Variants in MTUS2 observed in about 807,000 individuals in gnomAD.
MTUS2 encodes microtubule-associated tumor suppressor candidate 2.
A neutral mutation model predicts 114.1 loss-of-function variants in MTUS2; 40 were observed. The observed-to-expected ratio is 0.35, with a 90% CI of 0.27 to 0.46. The LOEUF (loss-of-function observed/expected upper bound fraction) is 0.46, where lower values mean the gene tolerates loss of function less well. MTUS2 is among the 20% of genes least tolerant of loss of function. The pLI, the probability that MTUS2 is intolerant of heterozygous loss-of-function variation, is 1.00. For missense variants in MTUS2, 1,679 were observed against 1,705.4 expected, an observed-to-expected ratio of 0.98 and a Z score of 0.27; for synonymous variants, 688 against 672.0, an observed-to-expected ratio of 1.02 and a Z score of -0.37.
At chr13:29,255,534 C>A (rs1897260825) in intron 5 of MTUS2, among the ~76,000 whole-genome samples, 1 of 152,274 alleles carries the variant, frequency 6.6e-6, no homozygotes, top group African/African-American at 2.4e-5. Flanking sequence ...CTAAGTAACA[C>A]TGTAAGAAAC....
chr13:29,016,227 A>G (rs1886061460), intron 2 of MTUS2, among the ~76,000 whole-genome samples: 1 of 152,186 alleles, frequency 6.6e-6, no homozygotes, highest in African/African-American at 2.4e-5. Flanking sequence ...ATAATTGGCA[A>G]TGTAAGTAGT....
At chr13:29,112,567 C>A (rs928334117) in intron 5 of MTUS2, among the ~76,000 whole-genome samples, 1 of 152,026 alleles carries the variant, frequency 6.6e-6, no homozygotes, top group African/African-American at 2.4e-5. Flanking sequence ...GGGAAAGAAC[C>A]GTAGCAGGAG....
chr13:29,291,529 G>C (rs1898713809), intron 6 of MTUS2, among the ~76,000 whole-genome samples: 1 of 152,178 alleles, frequency 6.6e-6, no homozygotes, highest in Non-Finnish European at 1.5e-5. Context: ...CTCAGCTGTG[G>C]CTCCCTGGGA....
chr13:29,268,079 T>G (rs968591008), intron 5 of MTUS2, among the ~76,000 whole-genome samples: 2 of 152,102 alleles, frequency 1.3e-5, no homozygotes, highest in Non-Finnish European at 2.9e-5. Context: ...ACACGTGTCA[T>G]GGTGGTTTGC....
intron 2 of MTUS2, among the ~76,000 whole-genome samples, chr13:28,938,885 C>T (rs1413054967): frequency 4.6e-5 from 7 of 152,040 alleles, no homozygotes; most frequent in Admixed American, 6.6e-5. Context: ...AAGTGAACAT[C>T]GTTTAATACT....
intron 2 of MTUS2, among the ~76,000 whole-genome samples, chr13:29,022,852 T>C (rs140357575): frequency 1.2e-3 from 179 of 151,484 alleles, no homozygotes; most frequent in South Asian, 6.3e-4. Context: ...TTTTAAACTC[T>C]TTGGGGGCAG....
At chr13:29,348,166 A>T (rs1335929985) in intron 7 of MTUS2, among the ~76,000 whole-genome samples, 1 of 152,168 alleles carries the variant, frequency 6.6e-6, no homozygotes, top group African/African-American at 2.4e-5. Flanking sequence ...GCTTCTAATC[A>T]TGGCTTGGTC....
Position 29,027,701 on chromosome 13 carries a change from G to A in MTUS2, c.2205+798G>A, listed in dbSNP as rs77851361. 3.3e-5 allele frequency among the ~76,000 whole-genome samples: 5 copies of A among 152,192 alleles called. No homozygotes were observed. The South Asian group carries it at 8.3e-4, about 25-fold the overall frequency. The stretch of plus-strand genomic sequence containing the variant: ...CTAGTACCTGGGACTACAGGCGCCC[G>A]CCACCGCGCCTGGCTACTTTTTTGT... On this transcript the variant is annotated intron_variant, in intron 3 of 15. Transcript: ENST00000612955.
chr13:29,007,038 C>T (rs1264243010), intron 2 of MTUS2, among the ~76,000 whole-genome samples: 10 of 152,152 alleles, frequency 6.6e-5, no homozygotes, highest in Admixed American at 6.6e-4. Context: ...GCAAGAACGT[C>T]CAATCTGTTG....
At chr13:29,498,668 C>T (rs1882705470) in intron 14 of MTUS2, 131 bp downstream of exon 14, 1 of 1,235,454 alleles carries the variant, frequency 8.1e-7, no homozygotes, top group African/African-American at 1.5e-5. Flanking sequence ...GCAGAAAATC[C>T]CACAGCTGGC....
intron 9 of MTUS2, among the ~76,000 whole-genome samples, chr13:29,459,630 G>C (rs1334529894): frequency 1.3e-5 from 2 of 152,152 alleles, no homozygotes; most frequent in Non-Finnish European, 2.9e-5. Context: ...TGTCTAGCTG[G>C]AGGGTCTGGA....
At chr13:29,477,527 A>G (rs1221789308) in intron 9 of MTUS2, among the ~76,000 whole-genome samples, 2 of 152,078 alleles carry the variant, frequency 1.3e-5, no homozygotes, top group Non-Finnish European at 2.9e-5. Flanking sequence ...TTGTTCATTA[A>G]GTTCCTTGTG....
intron 2 of MTUS2, among the ~76,000 whole-genome samples, chr13:28,936,114 C>T (rs77341145): frequency 0.012 from 1,819 of 152,230 alleles, 31 homozygotes; most frequent in East Asian, 0.042. Flanking sequence ...TGAAATCATG[C>T]CTCACCATGT....
chr13:28,975,490 G>A (rs908052543), intron 2 of MTUS2, among the ~76,000 whole-genome samples: 4 of 8,536 alleles, frequency 4.7e-4, no homozygotes, highest in South Asian at 1.9e-3. Flanking sequence ...CCTCCCCTGC[G>A]GCAGCATCGC....
intron 9 of MTUS2, among the ~76,000 whole-genome samples, chr13:29,450,764 C>T (rs1011113435): frequency 6.6e-6 from 1 of 152,102 alleles, no homozygotes; most frequent in African/African-American, 2.4e-5. Flanking sequence ...ACTATACTAA[C>T]ATCAATCAAA....
At chr13:29,485,482 T>C (rs116000103) in intron 10 of MTUS2, among the ~76,000 whole-genome samples, 2,439 of 152,308 alleles carry the variant, frequency 0.016, 60 homozygotes, top group African/African-American at 0.056. Flanking sequence ...TGTTCAGATT[T>C]TTTGACTCAT....
chr13:29,141,590 C>G, intron 5 of MTUS2, among the ~76,000 whole-genome samples: 1 of 152,146 alleles, frequency 6.6e-6, no homozygotes, highest in East Asian at 1.9e-4. Flanking sequence ...TCTTCCTAAC[C>G]TTAATCAGAG....
intron 2 of MTUS2, among the ~76,000 whole-genome samples, chr13:28,898,622 G>T (rs559125755): frequency 6.6e-6 from 1 of 152,292 alleles, no homozygotes; most frequent in Admixed American, 6.5e-5. Flanking sequence ...TGCCACACTA[G>T]CTGGGGGCTT....
intron 2 of MTUS2, among the ~76,000 whole-genome samples, chr13:28,859,524 G>A (rs1876842254): frequency 6.6e-6 from 1 of 152,194 alleles, no homozygotes; most frequent in African/African-American, 2.4e-5. Context: ...TAGGCCCTGT[G>A]TGTGTGGGCA....
Sources: allele counts gnomAD v4.1 joint callset (sites outside exome capture counted in the v4.1 genomes callset), GRCh38; gene constraint gnomAD v4.1.1; transcripts MANE v1.5; gene names NCBI Gene and HGNC (gene_info 2026-07-23, HGNC 2026-07-21).